PRPF6: variants seen among roughly 807,000 people sequenced by gnomAD.
PRPF6 encodes the protein pre-mRNA processing factor 6.
A neutral mutation model predicts 118.3 loss-of-function variants in PRPF6; 42 were observed. The ratio of observed to expected loss-of-function variants is 0.35; its 90% confidence interval spans 0.28 to 0.46. The LOEUF (loss-of-function observed/expected upper bound fraction) is 0.46. Among genes scored for constraint, PRPF6 ranks in the 20% least tolerant of loss-of-function variants. PRPF6 has a pLI of 1.00. For synonymous variants in PRPF6, 481 were observed against 485.1 expected, an observed-to-expected ratio of 0.99 and a Z score of 0.11; for missense variants, 662 against 1,255.7, an observed-to-expected ratio of 0.53 and a Z score of 7.15.
chr20:64,003,020 C>T (rs2059174882), intron 9 of PRPF6, among the ~76,000 whole-genome samples: 1 of 151,780 alleles, frequency 6.6e-6, no homozygotes, highest in East Asian at 1.9e-4. Context: ...TCTTGGCTCA[C>T]TGCAGCCACC....
intron 3 of PRPF6, among the ~76,000 whole-genome samples, chr20:63,991,851 A>G (rs1230357165): frequency 2.0e-5 from 3 of 152,170 alleles, no homozygotes; most frequent in African/African-American, 7.2e-5. Flanking sequence ...CGTAATACAA[A>G]CAAGTAGGAA....
At chr20:64,001,376 G>C (rs1315584067) in intron 9 of PRPF6, 137 bp downstream of exon 9, 2 of 1,072,654 alleles carry the variant, frequency 1.9e-6, no homozygotes, top group Non-Finnish European at 2.7e-6. Context: ...CTCAGGCTGG[G>C]TTGCCTCTGC....
At chr20:63,989,335 C>T (rs1312521699) in intron 3 of PRPF6, among the ~76,000 whole-genome samples, 2 of 152,082 alleles carry the variant, frequency 1.3e-5, no homozygotes, top group Non-Finnish European at 2.9e-5. Context: ...TTGAGTAATA[C>T]CCCACAAGCA....
chr20:64,028,376 G>A lies in PRPF6; in HGVS notation c.2340-102G>A. On this transcript the variant is annotated intron_variant, in intron 17 of 20. Coordinates refer to ENST00000266079, the MANE Select transcript of PRPF6 (RefSeq NM_012469.4). This position sits in a 1 kb window ranked among gnomAD's most constrained non-coding sequence, Gnocchi z 6.5. The stretch of plus-strand genomic sequence containing the variant: ...TGGAGGGAATGGAGTTTTTGCTGCT[G>A]TGACTGGGTGGAGAGCCCTTTCAGA... 1.7e-6 allele frequency: 2 copies of A among 1,210,182 alleles called. No homozygotes were observed. Among genetic ancestry groups the A allele is most frequent in the Non-Finnish European group, 2.4e-6 (2 of 819,230 alleles). The allele number at this position is 1,210,182 out of a possible 1,614,324, so 75.0% of individuals were successfully genotyped here. A position where few individuals can be genotyped will look rare whatever the true frequency, so the allele number is the denominator to read the frequency against.
rs2059293689 is a variant in PRPF6, at chr20:64,026,875, A to G, written c.2029-107A>G. 3.4e-6 allele frequency: 4 copies of G among 1,173,510 alleles called. No individual in the cohort carries two copies. The Admixed American group carries it at 7.1e-5, about 21-fold the overall frequency. 72.7% of individuals were successfully genotyped at this position (1,173,510 alleles called of 1,614,324 possible). A position where few individuals can be genotyped will look rare whatever the true frequency, so the allele number is the denominator to read the frequency against. ...TACACAAACAGGCTATGAAAAGCTT[A>G]CAAAAGTACACACAGTACTGCAGGT... On this transcript the variant is annotated intron_variant, in intron 15 of 20. Transcript: ENST00000266079. The surrounding 1 kb of genome is among the most constrained non-coding windows in gnomAD (Gnocchi z 4.4).
Position 64,003,681 on chromosome 20 carries a change from C to T in PRPF6, c.1186+2442C>T, listed in dbSNP as rs543115098. On this transcript the variant is annotated intron_variant, in intron 9 of 20. Coordinates refer to ENST00000266079, the MANE Select transcript of PRPF6 (RefSeq NM_012469.4). ...CACGACCTCGGCTCTCTGCAAGCTC[C>T]GCCTCCCAGGTTCACGCCATTCTCC... Among the ~76,000 whole-genome samples the T allele has an allele frequency of 1.1e-4, 17 of 152,296 alleles. No homozygotes were observed. In the South Asian group the frequency reaches 3.3e-3, roughly 30 times the overall value.
rs2059127565 is a variant in PRPF6, at chr20:63,993,387, G to A, written c.360-20G>A. ...AACAGACATGCAGTGTTTCTGATGT[G>A]TGCATGTTTTATTTCCTAGGGAGCA... On this transcript the variant is annotated intron_variant, in intron 3 of 20. Coordinates refer to ENST00000266079, the MANE Select transcript of PRPF6 (RefSeq NM_012469.4). 3.2e-6 allele frequency: 5 copies of A among 1,581,696 alleles called. No homozygotes were observed. Among genetic ancestry groups the A allele is most frequent in the Non-Finnish European group, 3.5e-6 (4 of 1,151,502 alleles).
intron 9 of PRPF6, among the ~76,000 whole-genome samples, chr20:64,007,396 C>G (rs1490817127): frequency 7.0e-6 from 1 of 143,512 alleles, no homozygotes; most frequent in Non-Finnish European, 1.5e-5. Context: ...CTCTGCCTCC[C>G]GTCCCCTCTT....
chr20:64,010,360 C>G, intron 10 of PRPF6, 42 bp downstream of exon 10: 1 of 1,495,908 alleles, frequency 6.7e-7, no homozygotes, highest in Non-Finnish European at 9.3e-7. Context: ...CCAAAGTGGC[C>G]AAGGCCTGAG....
At chr20:64,024,403 C>A in intron 13 of PRPF6, 152 bp from the exon 14 acceptor site, 1 of 1,000,202 alleles carries the variant, frequency 1.0e-6, no homozygotes, top group Non-Finnish European at 1.5e-6. Flanking sequence ...GATTTCCCCA[C>A]ACTCTCCCCA....
Position 64,029,971 on chromosome 20 carries a change from G to A in PRPF6, c.2546+480G>A, listed in dbSNP as rs1287675245. ...GCCGGGTCAGAGACTCACTGGGGACGCGTGTGATTCACACTGGTGCGCTGG... is the reference window on the plus strand; with the variant it reads ...GCCGGGTCAGAGACTCACTGGGGACACGTGTGATTCACACTGGTGCGCTGG... On this transcript the variant is annotated intron_variant, in intron 19 of 20. Transcript: ENST00000266079. This position sits in a 1 kb window ranked among gnomAD's most constrained non-coding sequence, Gnocchi z 4.8. 1.3e-5 allele frequency among the ~76,000 whole-genome samples: 2 copies of A among 152,042 alleles called. No homozygotes were observed. Among genetic ancestry groups the A allele is most frequent in the East Asian group, 1.9e-4 (1 of 5,198 alleles).
intron 9 of PRPF6, among the ~76,000 whole-genome samples, chr20:64,001,724 C>T (rs2059167210): frequency 6.6e-6 from 1 of 152,240 alleles, no homozygotes. Context: ...GCCTTCTGCT[C>T]CCGCGATGCA....
At chr20:64,018,464 C>T (rs949632178) in intron 12 of PRPF6, among the ~76,000 whole-genome samples, 1 of 151,978 alleles carries the variant, frequency 6.6e-6, no homozygotes, top group Non-Finnish European at 1.5e-5. Context: ...CAACTCCGAC[C>T]GTCTGGTGCG....
At chr20:64,016,597 T>C (rs1248395248) in intron 11 of PRPF6, 126 bp from the exon 12 acceptor site, 26 of 1,240,400 alleles carry the variant, frequency 2.1e-5, no homozygotes, top group Non-Finnish European at 2.8e-5. Context: ...AGATCCCCAG[T>C]AGGCAGTGTC....
intron 6 of PRPF6, among the ~76,000 whole-genome samples, chr20:63,997,912 T>C (rs2059148381): frequency 1.3e-5 from 2 of 151,958 alleles, no homozygotes; most frequent in Admixed American, 1.3e-4. Flanking sequence ...GAGACTTGAC[T>C]CTTTGGTGTG....
At chr20:64,014,680 A>G (rs552732909) in intron 11 of PRPF6, among the ~76,000 whole-genome samples, 1 of 152,322 alleles carries the variant, frequency 6.6e-6, no homozygotes, top group Non-Finnish European at 1.5e-5. Context: ...AAAATAAAAT[A>G]AAATGAAATA....
Position 64,029,270 on chromosome 20 carries a change from C to G in PRPF6, c.2432-107C>G. 1.1e-6 allele frequency: 1 copy of G among 930,676 alleles called. No individual in the cohort carries two copies. The allele number at this position is 930,676 out of a possible 1,614,324, so 57.7% of individuals were successfully genotyped here. ...AGTTCTGCGAGCCGTGTGTGGGAGG[C>G]CCCTGTCGTGGTCTGAGGACGTCCC... On this transcript the variant is annotated intron_variant, in intron 18 of 20. Coordinates refer to ENST00000266079, the MANE Select transcript of PRPF6 (RefSeq NM_012469.4). This position sits in a 1 kb window ranked among gnomAD's most constrained non-coding sequence, Gnocchi z 4.8.
chr20:63,983,043 G>T lies in PRPF6; in HGVS notation c.72-4G>T. On this transcript the variant is annotated splice_region_variant and splice_polypyrimidine_tract_variant and intron_variant, in intron 1 of 20. Coordinates refer to ENST00000266079, the MANE Select transcript of PRPF6 (RefSeq NM_012469.4). ...ACACCCGGTGTCTTGGGGGTCTCCT[G>T]CAGCGCCACTGGCTTCACCACGCGG... The T allele has an allele frequency of 6.2e-7, 1 of 1,613,954 alleles. No individual in the cohort carries two copies. Among genetic ancestry groups the T allele is most frequent in the Non-Finnish European group, 8.5e-7 (1 of 1,179,950 alleles).
intron 10 of PRPF6, among the ~76,000 whole-genome samples, chr20:64,010,667 T>C (rs1242533112): frequency 6.6e-6 from 1 of 152,234 alleles, no homozygotes; most frequent in Non-Finnish European, 1.5e-5. Flanking sequence ...TAGAAAACAT[T>C]GCTTTCTGTC....
Sources: gnomAD v4.1 joint callset for allele counts (sites outside exome capture counted in the v4.1 genomes callset) on GRCh38, gnomAD v4.1.1 for gene constraint, Gnocchi (gnomAD v3.1) non-coding constraint, MANE v1.5 for transcripts, NCBI Gene and HGNC (gene_info 2026-07-23, HGNC 2026-07-21) for gene names.